The following SLC22A24 variants were observed in gnomAD, a reference collection of about 807,000 sequenced individuals.
SLC22A24 encodes the protein solute carrier family 22 member 24, also known as steroid transmembrane transporter SLC22A24.
Under a neutral mutation model 49.8 loss-of-function variants are expected in SLC22A24, and 53 were observed. That is an observed-to-expected ratio of 1.06 (90% CI 0.85 to 1.34). The LOEUF is 1.34. Ranked by LOEUF, SLC22A24 falls within the 40% of genes most tolerant of loss-of-function variation. The pLI, the probability that SLC22A24 is intolerant of heterozygous loss-of-function variation, is 0.00. For missense variants in SLC22A24, 786 were observed against 675.9 expected (o/e 1.16, Z -1.81); for synonymous variants, 302 against 256.4 (o/e 1.18, Z -1.70).
intron 2 of SLC22A24, among the ~76,000 whole-genome samples, chr11:63,120,228 C>G (rs1368019267): frequency 6.8e-6 from 1 of 146,940 alleles, no homozygotes; most frequent in Non-Finnish European, 1.5e-5. Flanking sequence ...ATGCCTATTC[C>G]CACTCATAGG....
intron 6 of SLC22A24, among the ~76,000 whole-genome samples, chr11:63,086,824 T>C (rs189089291): frequency 6.6e-6 from 1 of 152,174 alleles, no homozygotes; most frequent in African/African-American, 2.4e-5. Context: ...TGTCTCACTA[T>C]AATAATTTTA....
intron 4 of SLC22A24, among the ~76,000 whole-genome samples, chr11:63,118,260 G>A (rs1422559656): frequency 6.6e-6 from 1 of 152,088 alleles, no homozygotes; most frequent in East Asian, 1.9e-4. Flanking sequence ...TGGAGAGTAG[G>A]AACTGAAACT....
chr11:63,119,383 C>T (rs1336214116), intron 2 of SLC22A24, 48 bp from the exon 3 acceptor site: 3 of 1,453,676 alleles, frequency 2.1e-6, no homozygotes, highest in East Asian at 2.5e-5. Flanking sequence ...AAAAATAACA[C>T]GTGGAAAACT....
chr11:63,105,783 T>G (rs1205807327), intron 4 of SLC22A24, among the ~76,000 whole-genome samples: 2 of 152,138 alleles, frequency 1.3e-5, no homozygotes, highest in African/African-American at 4.8e-5. Flanking sequence ...TGATTAGCCT[T>G]TGGCTCCTCA....
intron 7 of SLC22A24, 68 bp from the exon 8 acceptor site, chr11:63,081,734 A>G: frequency 9.5e-7 from 1 of 1,049,422 alleles, no homozygotes; most frequent in Non-Finnish European, 1.5e-6. Context: ...ATAATTGTAA[A>G]AAGATTCTAA....
chr11:63,091,926 G>A (rs1314619658), intron 6 of SLC22A24, among the ~76,000 whole-genome samples: 3 of 152,090 alleles, frequency 2.0e-5, no homozygotes, highest in African/African-American at 7.2e-5. Flanking sequence ...GCATGAGAAA[G>A]AAATAAAGGT....
intron 4 of SLC22A24, among the ~76,000 whole-genome samples, chr11:63,113,651 C>T (rs989473766): frequency 2.0e-5 from 3 of 151,856 alleles, no homozygotes; most frequent in Admixed American, 1.3e-4. Context: ...GTCAGGGGAT[C>T]GAGAACATCC....
At chr11:63,136,340 A>G (rs1031670308) in intron 1 of SLC22A24, among the ~76,000 whole-genome samples, 14 of 152,228 alleles carry the variant, frequency 9.2e-5, no homozygotes, top group Non-Finnish European at 1.9e-4. Context: ...TCTGAGAAGT[A>G]TGCTCAGCAC....
intron 6 of SLC22A24, among the ~76,000 whole-genome samples, chr11:63,084,585 A>G (rs954680645): frequency 2.6e-5 from 4 of 152,160 alleles, no homozygotes; most frequent in Admixed American, 6.5e-5. Flanking sequence ...GAGGCCTCCA[A>G]GGAATTTACA....
chr11:63,143,231 T>A (rs2087427629), intron 1 of SLC22A24, 147 bp downstream of exon 1: 1 of 546,202 alleles, frequency 1.8e-6, no homozygotes, highest in East Asian at 3.4e-5. Context: ...TAATAGATAA[T>A]CAGGTGCTGC....
intron 2 of SLC22A24, among the ~76,000 whole-genome samples, chr11:63,127,314 T>A (rs976502980): frequency 1.3e-5 from 2 of 152,190 alleles, no homozygotes; most frequent in African/African-American, 2.4e-5. Flanking sequence ...GAACTCATCC[T>A]TTTTTATGGC....
intron 4 of SLC22A24, among the ~76,000 whole-genome samples, chr11:63,118,137 A>G (rs1175948243): frequency 1.3e-5 from 2 of 152,188 alleles, no homozygotes; most frequent in Admixed American, 6.5e-5. Context: ...GCAGAAAGGT[A>G]TAATAATGAC....
At chr11:63,120,126 T>A (rs1386916828) in intron 2 of SLC22A24, among the ~76,000 whole-genome samples, 1 of 151,260 alleles carries the variant, frequency 6.6e-6, no homozygotes, top group Non-Finnish European at 1.5e-5. Flanking sequence ...TTTAGTTTAA[T>A]TAGATCCCAT....
intron 1 of SLC22A24, among the ~76,000 whole-genome samples, chr11:63,136,480 G>A (rs1049843693): frequency 2.6e-5 from 4 of 152,140 alleles, no homozygotes; most frequent in South Asian, 2.1e-4. Context: ...GAACAAATTC[G>A]GCTACGAAGT....
rs2086956170 is a variant in SLC22A24 at position 63,080,978 on chromosome 11, G to A, written c.1540C>T (p.Leu514Phe). 1.3e-6 allele frequency: 2 copies of A among 1,552,392 alleles called. No homozygotes were observed. The highest frequency in any genetic ancestry group is 1.7e-6 in the Non-Finnish European group (2 of 1,147,450). Residue 514 changes from leucine (L) to phenylalanine (F), a missense_variant, in exon 9 of 10, where the codon CTC becomes TTC. By Grantham distance (22) the Leu-to-Phe change is conservative. Coordinates refer to ENST00000612278, the MANE Select transcript of SLC22A24 (RefSeq NM_001136506.2). ...FPILAVPVIL[L>F]LPETRDLPLP... ...GGTAGATCCCTGGTTTCTGGAAGGA[G>A]GAGGATAACAGGGACAGCAAGGATG...
In SLC22A24 at chr11:63,111,081, G is replaced by A. The variant is rs1057098185; in HGVS notation, c.831-6783C>T. Among the ~76,000 whole-genome samples, 400 of 151,964 alleles carry A rather than the reference G, an allele frequency of 2.6e-3. 1 individual carries two copies. The highest frequency in any genetic ancestry group is 8.9e-3 in the African/African-American group (371 of 41,506). Reference sequence around the variant, plus strand: ...GAAGGGTTGTTGAATTTTGTCAAAGGCCTTTTCTGCATCTATTGAGATAAT... The same window carrying A: ...GAAGGGTTGTTGAATTTTGTCAAAGACCTTTTCTGCATCTATTGAGATAAT... On this transcript the variant is annotated intron_variant, in intron 4 of 9. Coordinates refer to ENST00000612278, the MANE Select transcript of SLC22A24 (RefSeq NM_001136506.2).
intron 6 of SLC22A24, among the ~76,000 whole-genome samples, chr11:63,088,765 G>C (rs947557157): frequency 6.6e-6 from 1 of 151,930 alleles, no homozygotes; most frequent in Middle Eastern, 3.2e-3. Context: ...CACAGCATGA[G>C]AACTTCATGA....
intron 1 of SLC22A24, among the ~76,000 whole-genome samples, chr11:63,140,744 A>G (rs1009300030): frequency 6.6e-6 from 1 of 152,224 alleles, no homozygotes; most frequent in East Asian, 1.9e-4. Context: ...CTGGAGAAAC[A>G]GTTTGACATA....
At chr11:63,097,057 C>A (rs2087059087) in intron 5 of SLC22A24, among the ~76,000 whole-genome samples, 1 of 151,866 alleles carries the variant, frequency 6.6e-6, no homozygotes, top group Non-Finnish European at 1.5e-5. Flanking sequence ...ATATGGGAGA[C>A]TTTTACATAG....
Sources: gnomAD v4.1 joint callset for allele counts (sites outside exome capture counted in the v4.1 genomes callset) on GRCh38, gnomAD v4.1.1 for gene constraint, MANE v1.5 for transcripts, NCBI Gene and HGNC (gene_info 2026-07-23, HGNC 2026-07-21) for gene names.